LINC00632: variants seen among roughly 807,000 people sequenced by gnomAD.
LINC00632 encodes long independently transcribed non-coding RNA 632, also known as ALDOA related specific transcript.
intron 2 of LINC00632, chrX:140,713,419 G>A (rs1291420026): frequency 2.1e-5 from 6 of 288,131 alleles, no homozygotes; most frequent in East Asian, 1.0e-4. Context: ...AAATCTCTTC[G>A]TTTCCTCAGA....
exon 4 of LINC00632, among the ~76,000 whole-genome samples, chrX:140,773,115 G>T (rs893523873): frequency 7.2e-5 from 8 of 111,571 alleles, no homozygotes; most frequent in African/African-American, 2.6e-4. Flanking sequence ...GCAGTGAGCT[G>T]AGATCGTGCC....
exon 5 of LINC00632, among the ~76,000 whole-genome samples, chrX:140,786,929 A>C (rs1304430864): frequency 8.9e-6 from 1 of 112,029 alleles, no homozygotes; most frequent in African/African-American, 3.2e-5. Flanking sequence ...ACTATTTTAA[A>C]ATATATAATC....
intron 3 of LINC00632, among the ~76,000 whole-genome samples, chrX:140,748,798 T>C (rs942874093): frequency 5.7e-5 from 6 of 106,170 alleles, no homozygotes; most frequent in South Asian, 3.9e-4. Flanking sequence ...ATATATTTTA[T>C]ATATGATATA....
chrX:140,721,024 G>A (rs1930720171), intron 2 of LINC00632, among the ~76,000 whole-genome samples: 1 of 110,920 alleles, frequency 9.0e-6, no homozygotes, highest in Non-Finnish European at 1.9e-5. Context: ...ATTGCCCCAT[G>A]TCACCAGACT....
At chrX:140,726,157 G>A (rs755999268) in intron 2 of LINC00632, among the ~76,000 whole-genome samples, 2 of 110,317 alleles carry the variant, frequency 1.8e-5, no homozygotes, top group South Asian at 3.9e-4. Context: ...ACCCAGACTC[G>A]CTTCACTACT....
At chrX:140,743,743 A>G (rs946029363) in intron 3 of LINC00632, among the ~76,000 whole-genome samples, 2 of 111,261 alleles carry the variant, frequency 1.8e-5, no homozygotes, top group Non-Finnish European at 3.8e-5. Flanking sequence ...AGTTACATCA[A>G]TAGTCATTTT....
At chrX:140,757,515 T>C (rs184573922) in intron 3 of LINC00632, among the ~76,000 whole-genome samples, 1 of 111,455 alleles carries the variant, frequency 9.0e-6, no homozygotes. Flanking sequence ...AGAGATAGGA[T>C]CAAGCTCCAG....
chrX:140,729,377 GA>G (rs1055803301), intron 2 of LINC00632, among the ~76,000 whole-genome samples: 4 of 106,681 alleles, frequency 3.7e-5, no homozygotes, highest in Admixed American at 3.0e-4. Flanking sequence ...ACCACCCTCA[GA>G]AAAAAAAACA....
intron 3 of LINC00632, among the ~76,000 whole-genome samples, chrX:140,752,391 A>C (rs1342541383): frequency 1.8e-5 from 2 of 111,668 alleles, no homozygotes; most frequent in Non-Finnish European, 3.8e-5. Context: ...TCCAACCACC[A>C]GGCATAGTCA....
At chrX:140,784,713 C>A (rs1486607506) in exon 5 of LINC00632, 1 of 223,738 alleles carries the variant, frequency 4.5e-6, no homozygotes, top group East Asian at 8.4e-5. Context: ...CAGGTCCAGG[C>A]CTTTTCAAAT....
intron 3 of LINC00632, among the ~76,000 whole-genome samples, chrX:140,756,016 G>C (rs199569810): frequency 9.0e-6 from 1 of 110,576 alleles, no homozygotes; most frequent in Non-Finnish European, 1.9e-5. Context: ...GTAAGTGCTT[G>C]AAAAAAAAGT....
chrX:140,784,036 A>T (rs746981375), exon 5 of LINC00632: 1 of 1,211,483 alleles, frequency 8.3e-7, no homozygotes. Flanking sequence ...GCTTCCAAAA[A>T]ATCCGGGTCT....
chrX:140,718,034 G>T (rs1372868526), intron 2 of LINC00632, among the ~76,000 whole-genome samples: 3 of 110,613 alleles, frequency 2.7e-5, no homozygotes, highest in Non-Finnish European at 5.7e-5. Flanking sequence ...TACTTGGGAG[G>T]CCGAGGCAGG....
chrX:140,773,458 C>CA (rs1354439121), exon 4 of LINC00632, among the ~76,000 whole-genome samples: 1 of 112,350 alleles, frequency 8.9e-6, no homozygotes, highest in Non-Finnish European at 1.9e-5. Flanking sequence ...AAGACAAACT[C>CA]AAAGTTCTGC....
chrX:140,757,521 T>C (rs1011225567), intron 3 of LINC00632, among the ~76,000 whole-genome samples: 1 of 111,453 alleles, frequency 9.0e-6, no homozygotes, highest in African/African-American at 3.3e-5. Context: ...AGGATCAAGC[T>C]CCAGTTCAGA....
chrX:140,724,365 TACAC>T (rs757648797), intron 2 of LINC00632, among the ~76,000 whole-genome samples: 16 of 42,705 alleles, frequency 3.7e-4, no homozygotes, highest in Admixed American at 1.8e-3. Flanking sequence ...ATGCATTCCA[TACAC>T]ACACACACAG....
At chrX:140,770,332 A>C (rs1383879301) in intron 3 of LINC00632, among the ~76,000 whole-genome samples, 1 of 112,051 alleles carries the variant, frequency 8.9e-6, no homozygotes, top group African/African-American at 3.2e-5. Context: ...TATGGCGATG[A>C]AAGTGACCTC....
In LINC00632 at chrX:140,772,519, T is replaced by C. The variant is rs764303138; in HGVS notation, n.633T>C. 3.9e-4 allele frequency: 114 copies of C among 288,852 alleles called. No individual in the cohort carries two copies. The Middle Eastern group carries it at 8.1e-3, about 21-fold the overall frequency. The allele number at this position is 288,852 out of a possible 1,213,427, so 23.8% of individuals were successfully genotyped here. ...AGCAAAAGAACAAGGAGAGGGATGA[T>C]AGAGATGCAAGAAGAGTAAAGAGGG... On this transcript the variant is annotated non_coding_transcript_exon_variant, in exon 4 of 5. Coordinates refer to ENST00000648200, the Ensembl canonical transcript of LINC00632.
At position 140,758,166 on chromosome X, in the gene LINC00632, A is replaced by G. The variant is rs916811823; in HGVS notation, n.192-13912A>G. On this transcript the variant is annotated intron_variant and non_coding_transcript_variant, in intron 3 of 4. Transcript: ENST00000648200. ...TATAATATAAGCATTTTAACCTATTATTTATCTTACCAGGTGCTAAGATAA... is the reference window on the plus strand; with the variant it reads ...TATAATATAAGCATTTTAACCTATTGTTTATCTTACCAGGTGCTAAGATAA... Among the ~76,000 whole-genome samples, 4 of 110,862 alleles carry G rather than the reference A, an allele frequency of 3.6e-5. No individual in the cohort carries two copies. The South Asian group carries it at 1.5e-3, about 42-fold the overall frequency.
Sources: gnomAD v4.1 joint callset for allele counts (sites outside exome capture counted in the v4.1 genomes callset) on GRCh38, gnomAD v4.1.1 for gene constraint, MANE v1.5 for transcripts, NCBI Gene and HGNC (gene_info 2026-07-23, HGNC 2026-07-21) for gene names.